MGAT4C: variants seen among roughly 807,000 people sequenced by gnomAD.
The protein encoded by MGAT4C is alpha-1,3-mannosyl-glycoprotein 4-beta-N-acetylglucosaminyltransferase C.
A neutral mutation model predicts 40.1 loss-of-function variants in MGAT4C; 19 were observed. The ratio of observed to expected loss-of-function variants is 0.47; its 90% CI spans 0.33 to 0.70. MGAT4C has a LOEUF of 0.70. MGAT4C is among the 30% of genes least tolerant of loss of function. The pLI is 0.02. For synonymous variants in MGAT4C, 181 were observed against 187.1 expected, an observed-to-expected ratio of 0.97 and a Z score of 0.27; for missense variants, 491 against 563.2, an observed-to-expected ratio of 0.87 and a Z score of 1.30.
chr12:86,414,013 C>T (rs550489868), intron 3 of MGAT4C, among the ~76,000 whole-genome samples: 2 of 151,670 alleles, frequency 1.3e-5, no homozygotes, highest in East Asian at 3.9e-4. Flanking sequence ...TTTTGACTGC[C>T]TAGAACAAGA....
chr12:86,463,423 T>C (rs1446400842), intron 2 of MGAT4C, among the ~76,000 whole-genome samples: 2 of 152,172 alleles, frequency 1.3e-5, no homozygotes, highest in African/African-American at 4.8e-5. Context: ...TCTATAGTTC[T>C]TATATGCATC....
intron 3 of MGAT4C, among the ~76,000 whole-genome samples, chr12:85,986,627 C>A (rs1016987479): frequency 6.6e-6 from 1 of 152,108 alleles, no homozygotes; most frequent in Non-Finnish European, 1.5e-5. Context: ...TAACTATTCA[C>A]CTGATATCTC....
At chr12:86,380,747 A>C (rs1955913140) in intron 3 of MGAT4C, among the ~76,000 whole-genome samples, 1 of 152,178 alleles carries the variant, frequency 6.6e-6, no homozygotes, top group Admixed American at 6.5e-5. Context: ...TTATTCAAAA[A>C]TATGCAGTTT....
chr12:86,198,553 C>T (rs1472063943), intron 1 of MGAT4C, among the ~76,000 whole-genome samples: 1 of 152,134 alleles, frequency 6.6e-6, no homozygotes, highest in Non-Finnish European at 1.5e-5. Context: ...CCTATTCCAT[C>T]AGATCTTCTC....
In MGAT4C at chr12:86,762,498, G is replaced by A. The variant is rs575086219; in HGVS notation, c.-261-35257C>T. 2.6e-5 allele frequency among the ~76,000 whole-genome samples: 4 copies of A among 152,232 alleles called. No individual in the cohort carries two copies. In the South Asian group the frequency reaches 8.3e-4, roughly 32 times the overall value. On this transcript the variant is annotated intron_variant, in intron 1 of 7. Transcript: ENST00000548651. ...GTTCATTGTTAGAAGCTGTCTTCAG[G>A]ACCAGGTAATATGGCTCTCTCACAT...
intron 1 of MGAT4C, among the ~76,000 whole-genome samples, chr12:86,206,341 C>T (rs1950252362): frequency 6.6e-6 from 1 of 152,134 alleles, no homozygotes. Flanking sequence ...GATTATAAAA[C>T]ACTTTAAAAT....
intron 1 of MGAT4C, among the ~76,000 whole-genome samples, chr12:86,183,205 G>T (rs905766678): frequency 2.6e-5 from 4 of 151,772 alleles, no homozygotes; most frequent in Admixed American, 1.3e-4. Flanking sequence ...TCATATTATT[G>T]TGTTTGTTTT....
At chr12:86,375,316 C>G (rs1231636235) in intron 3 of MGAT4C, among the ~76,000 whole-genome samples, 1 of 151,956 alleles carries the variant, frequency 6.6e-6, no homozygotes, top group Non-Finnish European at 1.5e-5. Context: ...AGATTCTATG[C>G]AAAAAATTCT....
chr12:85,992,748 A>G (rs1262214925), intron 2 of MGAT4C, among the ~76,000 whole-genome samples: 1 of 152,242 alleles, frequency 6.6e-6, no homozygotes, highest in African/African-American at 2.4e-5. Flanking sequence ...ACATGGCCTC[A>G]GGAAGAAAGC....
chr12:86,179,252 C>T (rs1887842940), intron 1 of MGAT4C, among the ~76,000 whole-genome samples: 1 of 152,182 alleles, frequency 6.6e-6, no homozygotes, highest in African/African-American at 2.4e-5. Context: ...CCTTTCGCCT[C>T]CCACTGTGAT....
At chr12:86,572,827 ATCTCTCTCTC>A (rs148759916) in intron 2 of MGAT4C, among the ~76,000 whole-genome samples, 3 of 150,568 alleles carry the variant, frequency 2.0e-5, no homozygotes, top group African/African-American at 7.3e-5. Context: ...TTATCAAATC[ATCTCTCTCTC>A]TCTCTGTCTC....
intron 2 of MGAT4C, among the ~76,000 whole-genome samples, chr12:86,492,633 T>C (rs909565820): frequency 2.0e-5 from 3 of 152,114 alleles, no homozygotes; most frequent in Admixed American, 6.5e-5. Context: ...TTACATCTTA[T>C]ACAAAAATTA....
At chr12:86,181,073 C>T (rs1347401621) in intron 1 of MGAT4C, among the ~76,000 whole-genome samples, 1 of 152,074 alleles carries the variant, frequency 6.6e-6, no homozygotes, top group East Asian at 1.9e-4. Flanking sequence ...CCATGCTATT[C>T]TCATGACAGT....
intron 3 of MGAT4C, among the ~76,000 whole-genome samples, chr12:86,376,818 C>CAGAGAGAGAG (rs34852259): frequency 8.0e-6 from 1 of 125,304 alleles, no homozygotes; most frequent in South Asian, 2.7e-4. Context: ...GAGAGAGAGA[C>CAGAGAGAGAG]AGAGAGAGAG....
chr12:86,135,617 G>A (rs867940733), intron 1 of MGAT4C, among the ~76,000 whole-genome samples: 12 of 152,030 alleles, frequency 7.9e-5, no homozygotes, highest in Admixed American at 5.2e-4. Flanking sequence ...TATCTCTCAG[G>A]CCTATTTATT....
At chr12:86,272,687 CA>C (rs1952979945) in intron 4 of MGAT4C, among the ~76,000 whole-genome samples, 1 of 151,842 alleles carries the variant, frequency 6.6e-6, no homozygotes, top group Admixed American at 6.6e-5. Context: ...CCCAACTCTA[CA>C]AACAAATACA....
chr12:86,188,398 T>A (rs765748579), intron 1 of MGAT4C, among the ~76,000 whole-genome samples: 1 of 151,804 alleles, frequency 6.6e-6, no homozygotes, highest in Non-Finnish European at 1.5e-5. Context: ...GTGTAACATA[T>A]GGGACATACA....
chr12:86,756,588 A>C (rs1164472487), intron 1 of MGAT4C, among the ~76,000 whole-genome samples: 1 of 152,306 alleles, frequency 6.6e-6, no homozygotes, highest in Non-Finnish European at 1.5e-5. Context: ...TGAATAGCAT[A>C]TCACTATATT....
At chr12:85,989,339 C>T in intron 3 of MGAT4C, 61 bp downstream of exon 3, 1 of 1,439,856 alleles carries the variant, frequency 6.9e-7, no homozygotes, top group Non-Finnish European at 9.3e-7. Context: ...TACAATGGGA[C>T]TAATTCTTGT....
Sources: allele counts gnomAD v4.1 joint callset (sites outside exome capture counted in the v4.1 genomes callset), GRCh38; gene constraint gnomAD v4.1.1; transcripts MANE v1.5; gene names NCBI Gene and HGNC (gene_info 2026-07-23, HGNC 2026-07-21).